Variants in JARID2 observed in about 807,000 individuals in gnomAD.
JARID2 encodes jumonji and AT-rich interaction domain containing 2.
JARID2 carries 21 observed loss-of-function variants against 125.6 expected under a neutral mutation model. That is an observed-to-expected ratio of 0.17 (90% CI 0.12 to 0.24). JARID2 has a LOEUF of 0.24. JARID2 is among the 10% of genes least tolerant of loss of function. JARID2 has a pLI of 1.00. For synonymous variants in JARID2, 736 were observed against 661.6 expected, an observed-to-expected ratio of 1.11 and a Z score of -1.73; for missense variants, 1,303 against 1,639.6, an observed-to-expected ratio of 0.79 and a Z score of 3.55.
In JARID2 at chr6:15,316,601, C is replaced by T. The variant is rs189864138; in HGVS notation, c.46-57516C>T. Among the ~76,000 whole-genome samples, 534 of 152,258 alleles carry T rather than the reference C, an allele frequency of 3.5e-3. 3 individuals carry two copies. Among genetic ancestry groups the T allele is most frequent in the Non-Finnish European group, 2.6e-3 (175 of 68,020 alleles). On this transcript the variant is annotated intron_variant, in intron 1 of 17. Transcript: ENST00000341776. The stretch of plus-strand genomic sequence containing the variant: ...CCAGGCAGGAGTGCATTGGTTTGAT[C>T]TCAGCTCACTGCAACCTCTGCCTCC...
chr6:15,400,953 G>A, intron 2 of JARID2: 1 of 1,289,492 alleles, frequency 7.8e-7, no homozygotes, highest in Non-Finnish European at 1.0e-6. Context: ...CTCTGAGGAT[G>A]GCTGCTCCAC....
intron 1 of JARID2, among the ~76,000 whole-genome samples, chr6:15,365,076 C>G (rs1039096992): frequency 1.3e-5 from 2 of 152,078 alleles, no homozygotes; most frequent in Non-Finnish European, 2.9e-5. Flanking sequence ...AATAAATTAA[C>G]ATAAATTCCC....
Position 15,452,184 on chromosome 6 carries a change from T to C in JARID2, c.493+9T>C. On this transcript the variant is annotated intron_variant, in intron 4 of 17. Coordinates refer to ENST00000341776, the MANE Select transcript of JARID2 (RefSeq NM_004973.4). ...CTTTCTCTGCCTTCGAGGTAAGACT[T>C]TGCAACCATCGGCGGAGGTCTACGT... 6.2e-7 allele frequency: 1 copy of C among 1,613,696 alleles called. No individual in the cohort carries two copies. The highest frequency in any genetic ancestry group is 2.2e-5 in the East Asian group (1 of 44,854).
chr6:15,464,774 C>G (rs1768630983), intron 4 of JARID2, among the ~76,000 whole-genome samples: 1 of 152,182 alleles, frequency 6.6e-6, no homozygotes, highest in South Asian at 2.1e-4. Context: ...CCTTCATTAC[C>G]CATTTTTCTT....
At chr6:15,275,403 T>G (rs1241361055) in intron 1 of JARID2, among the ~76,000 whole-genome samples, 4 of 152,086 alleles carry the variant, frequency 2.6e-5, no homozygotes, top group Non-Finnish European at 5.9e-5. Context: ...TGATACCGGT[T>G]AATTCACAGT....
chr6:15,349,415 T>G (rs1191457936), intron 1 of JARID2, among the ~76,000 whole-genome samples: 1 of 152,194 alleles, frequency 6.6e-6, no homozygotes, highest in African/African-American at 2.4e-5. Context: ...CCAGTGAGAA[T>G]GACTTGGACG....
chr6:15,508,257 AAG>A (rs1771105399), intron 11 of JARID2, 81 bp from the exon 12 acceptor site: 1 of 745,286 alleles, frequency 1.3e-6, no homozygotes, highest in Non-Finnish European at 2.4e-6. Flanking sequence ...GTTTTAGCGG[AAG>A]AAAGAGATTT....
At chr6:15,283,545 T>G (rs2127381928) in intron 1 of JARID2, among the ~76,000 whole-genome samples, 1 of 150,210 alleles carries the variant, frequency 6.7e-6, no homozygotes, top group Non-Finnish European at 1.5e-5. Flanking sequence ...GATTTCACCG[T>G]GTTAGCCAGG....
intron 3 of JARID2, among the ~76,000 whole-genome samples, chr6:15,441,142 A>T (rs1347675450): frequency 1.3e-5 from 2 of 152,204 alleles, no homozygotes; most frequent in East Asian, 3.8e-4. Flanking sequence ...TACTCACCAA[A>T]AAAGGCTAGA....
intron 3 of JARID2, among the ~76,000 whole-genome samples, chr6:15,440,056 A>C (rs1223020900): frequency 6.6e-6 from 1 of 152,190 alleles, no homozygotes; most frequent in African/African-American, 2.4e-5. Flanking sequence ...AGAGAGAATG[A>C]CTTTACCTTC....
chr6:15,469,909 TG>T (rs1057167232), intron 5 of JARID2, among the ~76,000 whole-genome samples: 45 of 152,094 alleles, frequency 3.0e-4, no homozygotes, highest in African/African-American at 1.0e-3. Context: ...CTGGGCGAGG[TG>T]GCTCACACCT....
At chr6:15,321,678 G>T (rs1274992134) in intron 1 of JARID2, among the ~76,000 whole-genome samples, 2 of 150,160 alleles carry the variant, frequency 1.3e-5, no homozygotes, top group African/African-American at 4.9e-5. Flanking sequence ...GGCTAAGTAA[G>T]TTAACAAGAA....
chr6:15,404,260 C>T (rs974651980), intron 2 of JARID2, among the ~76,000 whole-genome samples: 4 of 152,200 alleles, frequency 2.6e-5, no homozygotes, highest in Non-Finnish European at 5.9e-5. Context: ...ACATGCTGAC[C>T]TGCATGTGTA....
intron 7 of JARID2, among the ~76,000 whole-genome samples, chr6:15,499,708 C>G (rs536734105): frequency 6.6e-6 from 1 of 152,244 alleles, no homozygotes; most frequent in Non-Finnish European, 1.5e-5. Context: ...TCTTAGGTCC[C>G]TCCTGTCGAG....
intron 1 of JARID2, among the ~76,000 whole-genome samples, chr6:15,361,435 C>G (rs1171661245): frequency 6.6e-6 from 1 of 152,232 alleles, no homozygotes; most frequent in Non-Finnish European, 1.5e-5. Context: ...TCCTTTCACA[C>G]ACATCACCGA....
chr6:15,427,554 C>T (rs1321624702), intron 3 of JARID2, among the ~76,000 whole-genome samples: 1 of 151,922 alleles, frequency 6.6e-6, no homozygotes, highest in Non-Finnish European at 1.5e-5. Flanking sequence ...AGTTTCTTTC[C>T]TTCCTCCTCT....
intron 6 of JARID2, among the ~76,000 whole-genome samples, chr6:15,492,862 C>T (rs1481880293): frequency 6.6e-6 from 1 of 152,090 alleles, no homozygotes; most frequent in Non-Finnish European, 1.5e-5. Flanking sequence ...GTTATATGGG[C>T]ATGCGTGTGT....
chr6:15,319,366 GTC>G (rs1762278221), intron 1 of JARID2, among the ~76,000 whole-genome samples: 1 of 152,084 alleles, frequency 6.6e-6, no homozygotes. Flanking sequence ...GCCATTTTGT[GTC>G]TGAGTGACAT....
intron 5 of JARID2, among the ~76,000 whole-genome samples, chr6:15,483,462 G>A (rs1382644781): frequency 2.6e-5 from 4 of 151,498 alleles, no homozygotes; most frequent in Non-Finnish European, 5.9e-5. Flanking sequence ...GTAGTTTGGT[G>A]CCATTGCCTT....
Sources: gnomAD v4.1 joint callset for allele counts (sites outside exome capture counted in the v4.1 genomes callset) on GRCh38, gnomAD v4.1.1 for gene constraint, MANE v1.5 for transcripts, NCBI Gene and HGNC (gene_info 2026-07-23, HGNC 2026-07-21) for gene names.